Variants in DPP6 observed in about 807,000 individuals in gnomAD.
DPP6 encodes the protein dipeptidyl peptidase like 6.
A neutral mutation model predicts 122.6 loss-of-function variants in DPP6; 69 were observed. The ratio of observed to expected loss-of-function variants is 0.56; its 90% confidence interval spans 0.46 to 0.69. The LOEUF (loss-of-function observed/expected upper bound fraction) is 0.69, where lower values mean the gene tolerates loss of function less well. Among genes scored for constraint, DPP6 ranks in the 30% least tolerant of loss-of-function variants. DPP6 has a pLI of 0.00. For missense variants in DPP6, 928 were observed against 1,116.9 expected, an observed-to-expected ratio of 0.83 and a Z score of 2.41; for synonymous variants, 418 against 433.1, an observed-to-expected ratio of 0.97 and a Z score of 0.43.
At chr7:154,163,461 C>G (rs917719927) in intron 1 of DPP6, among the ~76,000 whole-genome samples, 2 of 152,242 alleles carry the variant, frequency 1.3e-5, no homozygotes, top group African/African-American at 4.8e-5. Context: ...GTTTCATTCA[C>G]TGGCTTAACC....
chr7:153,966,554 CTTTTTTTTTTTTTTTTTTTTT>C (rs753840054), intron 1 of DPP6, among the ~76,000 whole-genome samples: 1 of 41,364 alleles, frequency 2.4e-5, no homozygotes, highest in Non-Finnish European at 3.8e-5. Context: ...CCTGTGTTGG[CTTTTTTTTTTTTTTTTTTTTT>C]TTTTTTTTTT....
chr7:153,845,267 G>A, the DPP6 span, among the ~76,000 whole-genome samples: 1 of 151,858 alleles, frequency 6.6e-6, no homozygotes. Flanking sequence ...TAATATTTCG[G>A]TCAACATATT....
intron 1 of DPP6, among the ~76,000 whole-genome samples, chr7:154,221,643 G>A (rs981422632): frequency 2.0e-5 from 3 of 152,138 alleles, no homozygotes; most frequent in Non-Finnish European, 4.4e-5. Context: ...TAAATCACAG[G>A]AAGGTGGCTT....
intron 1 of DPP6, among the ~76,000 whole-genome samples, chr7:154,249,466 C>T (rs9640345): frequency 0.26 from 39,095 of 152,136 alleles, 6,088 homozygotes; most frequent in Non-Finnish European, 0.34. Flanking sequence ...CTCTTGCAAA[C>T]ATCCGGTGTT....
the DPP6 span, among the ~76,000 whole-genome samples, chr7:153,774,763 A>G: frequency 6.6e-6 from 1 of 152,082 alleles, no homozygotes; most frequent in East Asian, 1.9e-4. Context: ...CCAAGAGTTC[A>G]AAACCAGCCT....
At chr7:154,119,274 C>T (rs1189401142) in intron 1 of DPP6, among the ~76,000 whole-genome samples, 1 of 152,136 alleles carries the variant, frequency 6.6e-6, no homozygotes, top group African/African-American at 2.4e-5. Flanking sequence ...AACACAGGTC[C>T]GGATGCTCAC....
intron 3 of DPP6, among the ~76,000 whole-genome samples, chr7:154,516,770 C>A (rs953786481): frequency 6.6e-6 from 1 of 152,154 alleles, no homozygotes; most frequent in Non-Finnish European, 1.5e-5. Context: ...GTCAAACTTA[C>A]AAAATCTGCT....
intron 7 of DPP6, among the ~76,000 whole-genome samples, chr7:154,725,951 C>T (rs1842044839): frequency 6.6e-6 from 1 of 152,306 alleles, no homozygotes; most frequent in East Asian, 1.9e-4. Flanking sequence ...AGTCTGAAAC[C>T]CAGCAGGGCA....
intron 1 of DPP6, among the ~76,000 whole-genome samples, chr7:154,124,529 C>T (rs1378109009): frequency 1.3e-5 from 2 of 152,136 alleles, no homozygotes; most frequent in African/African-American, 4.8e-5. Flanking sequence ...GTGTTTTCTC[C>T]TAAATGCCAT....
rs745433492 is a variant in DPP6, at chr7:154,837,204, TCACACATGCA to T, written c.1667-16559_1667-16550del. On this transcript the variant is annotated intron_variant, in intron 16 of 25. Coordinates refer to ENST00000377770, the MANE Select transcript of DPP6 (RefSeq NM_130797.4). ...AGATGCATGCATGCATAACGCACAT[TCACACATGCA>T]CACACATGCACACACACACGCATGC... 7.2e-3 allele frequency among the ~76,000 whole-genome samples: 1,074 copies of T among 148,708 alleles called. 12 individuals are homozygous for T. Among genetic ancestry groups the T allele is most frequent in the African/African-American group, 0.024 (971 of 39,962 alleles).
chr7:154,129,088 G>A lies in DPP6; in HGVS notation c.243+76025G>A, dbSNP rs952279880. 4.6e-5 allele frequency among the ~76,000 whole-genome samples: 7 copies of A among 152,024 alleles called. No homozygotes were observed. In the South Asian group the frequency reaches 1.2e-3, roughly 27 times the overall value. On this transcript the variant is annotated intron_variant, in intron 1 of 25. Coordinates refer to ENST00000377770, the MANE Select transcript of DPP6 (RefSeq NM_130797.4). ...CACACCCCCAAGAAGAAAAGCCTGG[G>A]AAGTTCTTTCTACCCACATGCCATC...
At position 153,964,954 on chromosome 7, in the gene DPP6, CTCTTTCTT is replaced by C. The variant is rs769337862; in HGVS notation, c.51+77227_51+77234del. On this transcript the variant is annotated intron_variant, in intron 1 of 25. Coordinates refer to the DPP6 transcript ENST00000404039. Reference sequence around the variant, plus strand: ...TCTTTCTTTCTTTTTCTTTCTTTCTCTCTTTCTTTCTTTCATTTCTTTTCCCTTCCTTC... The same window carrying C: ...TCTTTCTTTCTTTTTCTTTCTTTCTCTCTTTCATTTCTTTTCCCTTCCTTC... 2.9e-3 allele frequency among the ~76,000 whole-genome samples: 167 copies of C among 58,170 alleles called. 16 individuals are homozygous for C. The highest frequency in any genetic ancestry group is 0.015 in the African/African-American group (159 of 10,370). 38.2% of individuals were successfully genotyped at this position (58,170 alleles called of 152,430 possible). A position where few individuals can be genotyped will look rare whatever the true frequency, so the allele number is the denominator to read the frequency against.
At chr7:154,378,877 C>T (rs1401698850) in intron 1 of DPP6, among the ~76,000 whole-genome samples, 4 of 152,176 alleles carry the variant, frequency 2.6e-5, no homozygotes, top group Non-Finnish European at 4.4e-5. Flanking sequence ...GAAACTGCCA[C>T]ACAATTGTAA....
At chr7:153,977,490 T>TG (rs576254410) in intron 1 of DPP6, among the ~76,000 whole-genome samples, 6 of 152,212 alleles carry the variant, frequency 3.9e-5, no homozygotes, top group Non-Finnish European at 5.9e-5. Flanking sequence ...CAGCTCCTTA[T>TG]GAGAAGTACC....
In DPP6 at chr7:154,397,085, T is replaced by TAGATTTATA. The variant is rs1254242973; in HGVS notation, c.244-49124_244-49116dup. Reference sequence around the variant, plus strand: ...TTTTAAATAATCTAGTAAGATAAATTAGATTTATAAGATAAATTTAGAAGA... The same window carrying TAGATTTATA: ...TTTTAAATAATCTAGTAAGATAAATTAGATTTATAAGATTTATAAGATAAATTTAGAAGA... On this transcript the variant is annotated intron_variant, in intron 1 of 25. Coordinates refer to ENST00000377770, the MANE Select transcript of DPP6 (RefSeq NM_130797.4). Among the ~76,000 whole-genome samples, 639 of 151,278 alleles carry TAGATTTATA rather than the reference T, an allele frequency of 4.2e-3. 1 individual carries two copies. The highest frequency in any genetic ancestry group is 0.015 in the African/African-American group (618 of 41,348).
At chr7:154,086,946 C>T (rs1391770856) in intron 1 of DPP6, among the ~76,000 whole-genome samples, 1 of 152,160 alleles carries the variant, frequency 6.6e-6, no homozygotes, top group East Asian at 1.9e-4. Flanking sequence ...ATATCTCACC[C>T]ACACATATAA....
chr7:154,769,113 C>T (rs1051604269), intron 8 of DPP6, among the ~76,000 whole-genome samples: 1 of 152,120 alleles, frequency 6.6e-6, no homozygotes, highest in Non-Finnish European at 1.5e-5. Context: ...ACGTGTTGGG[C>T]TCATAGTGCT....
At chr7:154,717,448 A>G (rs1841552970) in intron 7 of DPP6, among the ~76,000 whole-genome samples, 1 of 151,906 alleles carries the variant, frequency 6.6e-6, no homozygotes, top group Non-Finnish European at 1.5e-5. Context: ...CTCTACTTCT[A>G]TGAGAGCAAT....
chr7:154,063,467 G>A (rs1212698526), intron 1 of DPP6, among the ~76,000 whole-genome samples: 3 of 133,512 alleles, frequency 2.2e-5, no homozygotes, highest in East Asian at 2.3e-4. Flanking sequence ...CGCGAGGCAG[G>A]GACTGAGAGC....
Sources: gnomAD v4.1 joint callset for allele counts (sites outside exome capture counted in the v4.1 genomes callset) on GRCh38, gnomAD v4.1.1 for gene constraint, MANE v1.5 for transcripts, NCBI Gene and HGNC (gene_info 2026-07-23, HGNC 2026-07-21) for gene names.